CPHXL2: variants seen among roughly 807,000 people sequenced by gnomAD.
CPHXL2 encodes the protein cytoplasmic polyadenylated homeobox like 2.
the CPHXL2 span, chr16:75,661,323 A>C: frequency 2.5e-6 from 1 of 399,114 alleles, no homozygotes; most frequent in Non-Finnish European, 4.4e-6. Flanking sequence ...TCCTTAATGT[A>C]GGAGGCTTTT....
chr16:75,662,171 C>T, the CPHXL2 span, among the ~76,000 whole-genome samples: 1 of 152,160 alleles, frequency 6.6e-6, no homozygotes, highest in African/African-American at 2.4e-5. Flanking sequence ...CATATGTTTG[C>T]CAGTTTGTTA....
chr16:75,669,451 T>C, the CPHXL2 span: 1 of 400,706 alleles, frequency 2.5e-6, no homozygotes, highest in East Asian at 3.6e-5. Context: ...AAATATTTCC[T>C]TAAGTTCCTG....
the CPHXL2 span, among the ~76,000 whole-genome samples, chr16:75,662,989 A>G: frequency 2.0e-5 from 3 of 151,870 alleles, no homozygotes; most frequent in Admixed American, 2.0e-4. Context: ...TTTAGTAGAG[A>G]CGGGGTTTCA....
At chr16:75,672,368 A>C in the CPHXL2 span, among the ~76,000 whole-genome samples, 1 of 152,148 alleles carries the variant, frequency 6.6e-6, no homozygotes, top group Admixed American at 6.5e-5. Context: ...AGTGAATATA[A>C]ATTGAACCAG....
At chr16:75,669,243 G>A in the CPHXL2 span, 1 of 394,204 alleles carries the variant, frequency 2.5e-6, no homozygotes, top group South Asian at 1.4e-4. Flanking sequence ...CTGAGCCCAG[G>A]AAGTTGAGGC....
At chr16:75,674,739 T>C in the CPHXL2 span, among the ~76,000 whole-genome samples, 1 of 152,006 alleles carries the variant, frequency 6.6e-6, no homozygotes, top group African/African-American at 2.4e-5. Context: ...AGACAGAGTC[T>C]CGCTCTGTCT....
the CPHXL2 span, among the ~76,000 whole-genome samples, chr16:75,662,469 C>A: frequency 6.6e-6 from 1 of 151,952 alleles, no homozygotes; most frequent in Non-Finnish European, 1.5e-5. Context: ...AAGTCCCAAC[C>A]CTCTAATCCT....
At chr16:75,669,577 G>T in the CPHXL2 span, 1 of 398,602 alleles carries the variant, frequency 2.5e-6, no homozygotes, top group Non-Finnish European at 4.4e-6. Context: ...TATAAGTAGC[G>T]AGAAGAGCAT....
chr16:75,660,638 A>C, the CPHXL2 span: 1 of 398,614 alleles, frequency 2.5e-6, no homozygotes, highest in Non-Finnish European at 4.4e-6. Flanking sequence ...GCAGTGAGAG[A>C]CAGAATGAGC....
At chr16:75,671,875 AG>A in the CPHXL2 span, among the ~76,000 whole-genome samples, 1 of 152,146 alleles carries the variant, frequency 6.6e-6, no homozygotes, top group Non-Finnish European at 1.5e-5. Context: ...AATCCAAATC[AG>A]GGGGGCTTGC....
chr16:75,674,372 C>CAAAAAAAA, the CPHXL2 span, among the ~76,000 whole-genome samples: 22 of 53,380 alleles, frequency 4.1e-4, no homozygotes, highest in African/African-American at 8.1e-4. Context: ...GACTCCGTCT[C>CAAAAAAAA]AAAAAAAAAA....
chr16:75,660,941 C>T, the CPHXL2 span: 1 of 398,682 alleles, frequency 2.5e-6, no homozygotes, highest in Non-Finnish European at 4.4e-6. Context: ...CTTGTTTCTC[C>T]AGAGAAGAGC....
the CPHXL2 span, among the ~76,000 whole-genome samples, chr16:75,666,404 G>A: frequency 6.6e-6 from 1 of 152,074 alleles, no homozygotes; most frequent in Non-Finnish European, 1.5e-5. Context: ...CAGATCACCT[G>A]AGGTCAGGAG....
At chr16:75,674,156 G>T in the CPHXL2 span, among the ~76,000 whole-genome samples, 1 of 151,680 alleles carries the variant, frequency 6.6e-6, no homozygotes, top group African/African-American at 2.4e-5. Context: ...GGTGGATCAA[G>T]AGGTCAGGAG....
the CPHXL2 span, among the ~76,000 whole-genome samples, chr16:75,675,501 T>G: frequency 2.6e-4 from 39 of 152,086 alleles, no homozygotes; most frequent in African/African-American, 8.4e-4. Context: ...GGTGGGAAAC[T>G]GGGTTTTCAG....
At chr16:75,661,076 C>G in the CPHXL2 span, 3 of 400,682 alleles carry the variant, frequency 7.5e-6, no homozygotes, top group Non-Finnish European at 8.8e-6. Flanking sequence ...TCATCAGAGC[C>G]CTCTTGGCAC....
the CPHXL2 span, among the ~76,000 whole-genome samples, chr16:75,664,702 A>G: frequency 3.9e-5 from 6 of 152,124 alleles, no homozygotes; most frequent in Non-Finnish European, 8.8e-5. Flanking sequence ...CAGCACTGAG[A>G]GGTGAGGCCT....
the CPHXL2 span, among the ~76,000 whole-genome samples, chr16:75,671,111 G>A: frequency 2.3e-4 from 35 of 152,258 alleles, no homozygotes; most frequent in East Asian, 6.4e-3. Context: ...GGCTGTGTGC[G>A]CCGGCTCACG....
At chr16:75,668,673 C>G in the CPHXL2 span, among the ~76,000 whole-genome samples, 1 of 152,172 alleles carries the variant, frequency 6.6e-6, no homozygotes, top group Non-Finnish European at 1.5e-5. Context: ...TTAAAACCAT[C>G]TCTAGATTAC....
Sources: allele counts gnomAD v4.1 joint callset (sites outside exome capture counted in the v4.1 genomes callset), GRCh38; gene constraint gnomAD v4.1.1; transcripts MANE v1.5; gene names NCBI Gene and HGNC (gene_info 2026-07-23, HGNC 2026-07-21).